Variants in HECW1 observed in about 807,000 individuals in gnomAD.
HECW1 encodes the protein HECT, C2 and WW domain containing E3 ubiquitin protein ligase 1, also known as E3 ubiquitin-protein ligase HECW1.
HECW1 carries 61 observed loss-of-function variants against 182.3 expected under a neutral mutation model. That is an observed-to-expected ratio of 0.33 (90% CI 0.27 to 0.41). The LOEUF is 0.41. Ranked by LOEUF, HECW1 falls within the 10% of genes least tolerant of loss-of-function variation. The pLI is 1.00. For missense variants in HECW1, 1,739 were observed against 2,108.9 expected, an observed-to-expected ratio of 0.82 and a Z score of 3.44; for synonymous variants, 859 against 832.6, an observed-to-expected ratio of 1.03 and a Z score of -0.55.
intron 2 of HECW1, among the ~76,000 whole-genome samples, chr7:43,114,999 G>T (rs1784928749): frequency 6.6e-6 from 1 of 152,216 alleles, no homozygotes; most frequent in African/African-American, 2.4e-5. Context: ...GTTAACAAAA[G>T]AAATATTAAA....
intron 8 of HECW1, among the ~76,000 whole-genome samples, chr7:43,430,797 A>AG (rs2076524970): frequency 2.0e-5 from 3 of 150,022 alleles, no homozygotes; most frequent in Non-Finnish European, 4.4e-5. Flanking sequence ...TATTATTATT[A>AG]TTGAGATGGA....
intron 8 of HECW1, among the ~76,000 whole-genome samples, chr7:43,418,568 G>C (rs913155830): frequency 8.6e-5 from 13 of 151,708 alleles, no homozygotes; most frequent in Admixed American, 2.6e-4. Flanking sequence ...CAATTTTACT[G>C]TATGTTTTCT....
intron 17 of HECW1, among the ~76,000 whole-genome samples, chr7:43,480,976 A>G (rs932589424): frequency 1.3e-5 from 2 of 152,218 alleles, no homozygotes; most frequent in African/African-American, 4.8e-5. Context: ...CTCATGGCTT[A>G]ATGCCAGTGT....
rs1299467843 is a variant in HECW1 at position 43,476,610 on chromosome 7, G to A, written c.3100-3000G>A. The stretch of plus-strand genomic sequence containing the variant: ...TACAGATGTTAATAATTGGAATAGT[G>A]CGGTACCAGTGAAAAGCCTCAGGCC... On this transcript the variant is annotated intron_variant, in intron 16 of 29. Transcript: ENST00000395891. 5.9e-5 allele frequency among the ~76,000 whole-genome samples: 9 copies of A among 152,224 alleles called. No individual in the cohort carries two copies. The East Asian group carries it at 1.7e-3, about 29-fold the overall frequency.
intron 2 of HECW1, among the ~76,000 whole-genome samples, chr7:43,215,306 G>A (rs922885442): frequency 6.6e-6 from 1 of 152,240 alleles, no homozygotes; most frequent in African/African-American, 2.4e-5. Flanking sequence ...GAGGCTGAAA[G>A]CAGTGCTGTT....
intron 2 of HECW1, among the ~76,000 whole-genome samples, chr7:43,176,573 C>T (rs1792274480): frequency 6.6e-6 from 1 of 152,158 alleles, no homozygotes; most frequent in African/African-American, 2.4e-5. Flanking sequence ...GGGGGGCTCA[C>T]AATAGATGGT....
At chr7:43,336,126 C>CTTTCTTTCTTTCTT (rs1342475738) in intron 5 of HECW1, among the ~76,000 whole-genome samples, 1 of 79,758 alleles carries the variant, frequency 1.3e-5, no homozygotes, top group African/African-American at 6.2e-5. Flanking sequence ...TTCTTTCTTT[C>CTTTCTTTCTTTCTT]TCTCTCTCTC....
chr7:43,341,909 A>G (rs780462257), intron 5 of HECW1, among the ~76,000 whole-genome samples: 2 of 151,816 alleles, frequency 1.3e-5, no homozygotes, highest in Non-Finnish European at 2.9e-5. Flanking sequence ...ATATCATTTG[A>G]GTAGCAAAAA....
At chr7:43,476,581 G>A (rs2078226853) in intron 16 of HECW1, among the ~76,000 whole-genome samples, 1 of 152,074 alleles carries the variant, frequency 6.6e-6, no homozygotes, top group Non-Finnish European at 1.5e-5. Flanking sequence ...GAGGAAACTT[G>A]CCCTACAGAT....
intron 2 of HECW1, among the ~76,000 whole-genome samples, chr7:43,233,136 C>A (rs1798026622): frequency 6.6e-6 from 1 of 152,042 alleles, no homozygotes; most frequent in South Asian, 2.1e-4. Context: ...ACCTCTATTT[C>A]TATGTTCAAT....
chr7:43,296,314 A>C (rs1306124978), intron 3 of HECW1, among the ~76,000 whole-genome samples: 1 of 152,176 alleles, frequency 6.6e-6, no homozygotes. Flanking sequence ...TGTATTTTTC[A>C]AATTTTTAGC....
At chr7:43,140,329 C>T (rs142493779) in intron 2 of HECW1, among the ~76,000 whole-genome samples, 1 of 152,206 alleles carries the variant, frequency 6.6e-6, no homozygotes, top group African/African-American at 2.4e-5. Context: ...CAGGGAGGTC[C>T]CAGGCCATAG....
intron 3 of HECW1, among the ~76,000 whole-genome samples, chr7:43,299,299 G>C (rs554893578): frequency 1.3e-5 from 2 of 152,200 alleles, no homozygotes; most frequent in African/African-American, 2.4e-5. Context: ...GGGAGAGGCC[G>C]TGGGGCTGGT....
intron 2 of HECW1, among the ~76,000 whole-genome samples, chr7:43,198,461 A>G (rs1794699675): frequency 6.8e-6 from 1 of 146,434 alleles, no homozygotes; most frequent in Non-Finnish European, 1.5e-5. Flanking sequence ...CCTAACACGT[A>G]CCCACCATAG....
chr7:43,125,127 G>A (rs756383243), intron 2 of HECW1, among the ~76,000 whole-genome samples: 94 of 152,168 alleles, frequency 6.2e-4, no homozygotes, highest in Non-Finnish European at 2.1e-4. Flanking sequence ...GGGCTAGGGA[G>A]CATTCTGGGG....
At chr7:43,307,080 C>A (rs1252452170) in intron 3 of HECW1, among the ~76,000 whole-genome samples, 3 of 151,784 alleles carry the variant, frequency 2.0e-5, no homozygotes, top group Non-Finnish European at 4.4e-5. Context: ...GAAAAAAAAC[C>A]AAAAACAAAA....
chr7:43,182,073 C>T lies in HECW1; in HGVS notation c.-31-61802C>T, dbSNP rs370082703. On this transcript the variant is annotated intron_variant, in intron 2 of 29. Transcript: ENST00000395891. ...TGCTGGGATTACAGGCGTGAGCCAC[C>T]GCGCCAGGCCTCTCATATTCTTTAA... Among the ~76,000 whole-genome samples, 13 of 152,260 alleles carry T rather than the reference C, an allele frequency of 8.5e-5. No homozygotes were observed. The East Asian group carries it at 2.3e-3, about 27-fold the overall frequency.
intron 8 of HECW1, among the ~76,000 whole-genome samples, chr7:43,429,682 GT>G (rs2076481917): frequency 6.6e-6 from 1 of 152,156 alleles, no homozygotes. Flanking sequence ...AGTAGCTATA[GT>G]TCACATGCTC....
chr7:43,527,396 T>A (rs2080800291), intron 24 of HECW1, among the ~76,000 whole-genome samples: 1 of 152,080 alleles, frequency 6.6e-6, no homozygotes. Flanking sequence ...TTTTTACCTC[T>A]TTCAGCTTCT....
Sources: gnomAD v4.1 joint callset for allele counts (sites outside exome capture counted in the v4.1 genomes callset) on GRCh38, gnomAD v4.1.1 for gene constraint, MANE v1.5 for transcripts, NCBI Gene and HGNC (gene_info 2026-07-23, HGNC 2026-07-21) for gene names.